The following RASSF9 variants were observed in gnomAD, a reference collection of about 807,000 sequenced individuals.
The protein encoded by RASSF9 is Ras association domain family member 9, also known as ras association domain-containing protein 9.
RASSF9 carries 18 observed loss-of-function variants against 21.4 expected under a neutral mutation model. That is an observed-to-expected ratio of 0.84 (90% CI 0.58 to 1.25). RASSF9 has a LOEUF of 1.25. Ranked by LOEUF, RASSF9 falls within the 50% of genes most tolerant of loss-of-function variation. The pLI is 0.00. For synonymous variants in RASSF9, 183 were observed against 179.1 expected (o/e 1.02, Z -0.18); for missense variants, 480 against 503.2 (o/e 0.95, Z 0.44).
rs754687701 is a variant in RASSF9, at chr12:85,805,793, TC to T, written c.216del (p.Lys73SerfsTer8). The T allele has an allele frequency of 2.0e-5, 32 of 1,613,702 alleles. No homozygotes were observed. The Admixed American group carries it at 3.3e-4, about 17-fold the overall frequency. ...TCTATGATGCAGTAATCACTGGGCT[TC>T]CCCAGAAGAAATCGTTTCTCTCCAA... is the stretch of plus-strand genomic sequence containing the variant. Reference protein sequence around the residue: ...ATFGEKRFLLGKPSDYCIIEK... With the variant: ...ATFGEKRFLLXKPSDYCIIEK... On this transcript the variant is annotated frameshift_variant, in exon 2 of 2. Transcript: ENST00000361228. LOFTEE classifies it high-confidence loss of function.
chr12:85,806,774 T>C (rs1879846907), intron 1 of RASSF9, among the ~76,000 whole-genome samples: 1 of 151,804 alleles, frequency 6.6e-6, no homozygotes, highest in South Asian at 2.1e-4. Context: ...TTTCCTAGTG[T>C]GCTCTGGGAA....
intron 1 of RASSF9, among the ~76,000 whole-genome samples, chr12:85,820,733 C>T (rs891240867): frequency 4.6e-5 from 7 of 152,046 alleles, no homozygotes; most frequent in Admixed American, 2.0e-4. Flanking sequence ...TTCAGGAATA[C>T]GTATTGAACA....
rs1184623354 is a variant in RASSF9 at position 85,803,585 on chromosome 12, T to C, written c.*1117A>G. 1 of 152,178 alleles carries C rather than the reference T, an allele frequency of 6.6e-6. No homozygotes were observed. Among genetic ancestry groups the C allele is most frequent in the Non-Finnish European group, 1.5e-5 (1 of 67,964 alleles). 9.4% of individuals were successfully genotyped at this position (152,178 alleles called of 1,614,324 possible). On this transcript the variant is annotated 3_prime_UTR_variant, in exon 2 of 2. Transcript: ENST00000361228. ...GAAGGGAGAGAGAAGAAAGCACATT[T>C]CTAATTAAAACACAAGCATAGTAGG...
At position 85,836,205 on chromosome 12, in the gene RASSF9, C is replaced by CT; in HGVS notation, c.-5dup. 1.3e-6 allele frequency: 2 copies of CT among 1,523,054 alleles called. No individual in the cohort carries two copies. Among genetic ancestry groups the CT allele is most frequent in the Non-Finnish European group, 1.8e-6 (2 of 1,134,096 alleles). The allele number at this position is 1,523,054 out of a possible 1,614,324, so 94.3% of individuals were successfully genotyped here. On this transcript the variant is annotated 5_prime_UTR_variant, in exon 1 of 2. Coordinates refer to ENST00000361228, the MANE Select transcript of RASSF9 (RefSeq NM_005447.4). The stretch of plus-strand genomic sequence containing the variant: ...AGTTTCTTCCAAAGGGAGCCATGGT[C>CT]TGTCGGGCAAACGAATAAAGAAATT...
intron 1 of RASSF9, among the ~76,000 whole-genome samples, chr12:85,822,504 T>A (rs974166076): frequency 1.3e-5 from 2 of 152,190 alleles, no homozygotes; most frequent in Non-Finnish European, 2.9e-5. Flanking sequence ...AGAAAATTAT[T>A]AACTTGTAGA....
chr12:85,834,039 AAAAAC>A (rs1418065311), intron 1 of RASSF9, among the ~76,000 whole-genome samples: 2 of 152,016 alleles, frequency 1.3e-5, no homozygotes, highest in African/African-American at 4.8e-5. Context: ...GCTAAGGTGA[AAAAAC>A]AAAACAAAAG....
intron 1 of RASSF9, among the ~76,000 whole-genome samples, chr12:85,816,309 TAA>T (rs201674833): frequency 1.6e-4 from 23 of 140,006 alleles, no homozygotes; most frequent in African/African-American, 2.6e-4. Flanking sequence ...ACTTAAAAGT[TAA>T]AAAAAAAAAA....
intron 1 of RASSF9, among the ~76,000 whole-genome samples, chr12:85,824,754 A>G: frequency 6.6e-6 from 1 of 152,134 alleles, no homozygotes; most frequent in East Asian, 1.9e-4. Flanking sequence ...CAGATCTACT[A>G]TGAGAACAAC....
At position 85,805,598 on chromosome 12, in the gene RASSF9, CTG is replaced by C. The variant is rs749945443; in HGVS notation, c.410_411del (p.Thr137ArgfsTer19). 3 of 1,613,928 alleles carry C rather than the reference CTG, an allele frequency of 1.9e-6. No homozygotes were observed. The highest frequency in any genetic ancestry group is 2.2e-5 in the South Asian group (2 of 91,074). ...GCTGGGCTGAGCTCCCACAATTTTT[CTG>C]TGTTTTGCACTAATTTGGCTTCAGC... is the stretch of plus-strand genomic sequence containing the variant. ...RTAEAKLVQN[T>X]EKLWELSPAN... On this transcript the variant is annotated frameshift_variant, in exon 2 of 2. Coordinates refer to ENST00000361228, the MANE Select transcript of RASSF9 (RefSeq NM_005447.4). LOFTEE classifies it high-confidence loss of function.
intron 1 of RASSF9, among the ~76,000 whole-genome samples, chr12:85,815,297 G>C (rs1880036997): frequency 6.6e-6 from 1 of 152,056 alleles, no homozygotes; most frequent in Non-Finnish European, 1.5e-5. Flanking sequence ...ATAATATTTT[G>C]CTTTTGTTGT....
At chr12:85,820,764 G>A (rs1880189210) in intron 1 of RASSF9, among the ~76,000 whole-genome samples, 1 of 152,138 alleles carries the variant, frequency 6.6e-6, no homozygotes, top group South Asian at 2.1e-4. Context: ...ACACCTTTGA[G>A]TGTCTTCTTT....
At chr12:85,823,437 C>T (rs1880260073) in intron 1 of RASSF9, among the ~76,000 whole-genome samples, 3 of 152,162 alleles carry the variant, frequency 2.0e-5, no homozygotes, top group East Asian at 1.9e-4. Flanking sequence ...TTTCCAGCTG[C>T]TTCTTCCCAG....
At chr12:85,816,828 C>T (rs770943872) in intron 1 of RASSF9, among the ~76,000 whole-genome samples, 5 of 152,144 alleles carry the variant, frequency 3.3e-5, no homozygotes, top group Admixed American at 2.6e-4. Context: ...CTAGATAGAA[C>T]ATCTTATGCA....
intron 1 of RASSF9, among the ~76,000 whole-genome samples, chr12:85,810,445 T>C (rs1010077700): frequency 6.6e-6 from 1 of 151,988 alleles, no homozygotes; most frequent in South Asian, 2.1e-4. Flanking sequence ...TAGACTGATA[T>C]AGACTTATGA....
At chr12:85,831,279 G>A (rs1196299808) in intron 1 of RASSF9, among the ~76,000 whole-genome samples, 2 of 151,972 alleles carry the variant, frequency 1.3e-5, no homozygotes, top group Non-Finnish European at 2.9e-5. Flanking sequence ...GAGTTATACA[G>A]CCAACGAACA....
In RASSF9 at chr12:85,824,712, T is replaced by A. The variant is rs530420917; in HGVS notation, c.47+11443A>T. On this transcript the variant is annotated intron_variant, in intron 1 of 1. Transcript: ENST00000361228. ...AGCATTAATTAATATACACATTGAG[T>A]TAGCCATTCCTTACTTCTTGCTGAT... 2.2e-4 allele frequency among the ~76,000 whole-genome samples: 33 copies of A among 152,306 alleles called. No homozygotes were observed. The South Asian group carries it at 6.2e-3, about 29-fold the overall frequency.
In RASSF9 at chr12:85,805,929, C is replaced by T; in HGVS notation, c.81G>A (p.Lys27=). 1 of 1,612,782 alleles carries T rather than the reference C, an allele frequency of 6.2e-7. No individual in the cohort carries two copies. The highest frequency in any genetic ancestry group is 8.5e-7 in the Non-Finnish European group (1 of 1,179,138). Residue 27 remains lysine (K), a synonymous_variant, in exon 2 of 2, where the codon AAG becomes AAA. Transcript: ENST00000361228. The stretch of plus-strand genomic sequence containing the variant: ...CTTGGCAAACCCAAACCACAATTTC[C>T]TTCTCTTCTGAATCCATGTCTTTAG... ...SPTKDMDSEE[K]EIVVWVCQEE...
intron 1 of RASSF9, among the ~76,000 whole-genome samples, chr12:85,806,595 T>A (rs1057131657): frequency 7.3e-6 from 1 of 137,194 alleles, no homozygotes; most frequent in African/African-American, 2.8e-5. Context: ...ATTGCTTTAA[T>A]CCAGGAGGCG....
At chr12:85,811,640 T>C (rs1399687830) in intron 1 of RASSF9, among the ~76,000 whole-genome samples, 2 of 151,888 alleles carry the variant, frequency 1.3e-5, no homozygotes, top group East Asian at 1.9e-4. Context: ...AATTTGCAAG[T>C]AGATATAAAA....
Sources: allele counts gnomAD v4.1 joint callset (sites outside exome capture counted in the v4.1 genomes callset), GRCh38; gene constraint gnomAD v4.1.1; transcripts MANE v1.5; gene names NCBI Gene and HGNC (gene_info 2026-07-23, HGNC 2026-07-21).